Variants in LRRC4C observed in about 807,000 individuals in gnomAD.
LRRC4C encodes the protein leucine-rich repeat-containing protein 4C.
Under a neutral mutation model 33.6 loss-of-function variants are expected in LRRC4C, and 5 were observed. The ratio of observed to expected loss-of-function variants is 0.15; its 90% confidence interval spans 0.08 to 0.31. The LOEUF (loss-of-function observed/expected upper bound fraction) is 0.31. LRRC4C is among the 10% of genes least tolerant of loss of function. The pLI, the probability that LRRC4C is intolerant of heterozygous loss-of-function variation, is 1.00. For missense variants in LRRC4C, 560 were observed against 796.7 expected (o/e 0.70, Z 3.58); for synonymous variants, 329 against 302.0 (o/e 1.09, Z -0.93).
rs187851840 is a variant in LRRC4C, at chr11:41,098,578, C to G, written c.-495-164855G>C. Among the ~76,000 whole-genome samples the G allele has an allele frequency of 4.7e-3, 715 of 152,174 alleles. 6 individuals are homozygous for G. The highest frequency in any genetic ancestry group is 0.016 in the African/African-American group (670 of 41,538). ...ATATTTCAGCGCTAAGTGTTTACAG[C>G]AAGTAAGCTTCTGTGATTCTAAAAT... On this transcript the variant is annotated intron_variant, in intron 1 of 6. Transcript: ENST00000528697.
chr11:40,242,709 T>C (rs1446701602), intron 4 of LRRC4C, among the ~76,000 whole-genome samples: 1 of 152,064 alleles, frequency 6.6e-6, no homozygotes, highest in Admixed American at 6.6e-5. Context: ...AGAAAGCTAG[T>C]GTCTGTACCT....
chr11:40,861,744 C>G (rs1231094830), intron 2 of LRRC4C, among the ~76,000 whole-genome samples: 2 of 152,178 alleles, frequency 1.3e-5, no homozygotes, highest in East Asian at 3.9e-4. Context: ...GCAGACTATA[C>G]AAGATGCATG....
chr11:40,423,506 G>A (rs1028500381), intron 3 of LRRC4C, among the ~76,000 whole-genome samples: 2 of 151,594 alleles, frequency 1.3e-5, no homozygotes, highest in African/African-American at 2.4e-5. Context: ...TACCACGCCC[G>A]GCTAATTTTT....
chr11:40,652,662 G>C (rs1287753834), intron 2 of LRRC4C, among the ~76,000 whole-genome samples: 3 of 152,196 alleles, frequency 2.0e-5, no homozygotes, highest in African/African-American at 7.2e-5. Flanking sequence ...AGCAGGGCTG[G>C]ATGCTCCAAC....
intron 5 of LRRC4C, among the ~76,000 whole-genome samples, chr11:40,225,155 T>C (rs1170468688): frequency 6.6e-6 from 1 of 152,282 alleles, no homozygotes; most frequent in East Asian, 1.9e-4. Context: ...AAATTGAATA[T>C]TCCTAGAGAA....
At chr11:41,083,457 C>T (rs1939726480) in intron 1 of LRRC4C, among the ~76,000 whole-genome samples, 1 of 152,156 alleles carries the variant, frequency 6.6e-6, no homozygotes, top group South Asian at 2.1e-4. Context: ...CAGCCCGCCA[C>T]ATTTCATCAG....
chr11:41,282,402 A>G (rs1949704130), intron 1 of LRRC4C, among the ~76,000 whole-genome samples: 1 of 152,220 alleles, frequency 6.6e-6, no homozygotes, highest in African/African-American at 2.4e-5. Context: ...TGAGCTTAAA[A>G]TACCCTCTTC....
chr11:41,267,519 T>C lies in LRRC4C; in HGVS notation c.-496+191912A>G, dbSNP rs1264499875. Among the ~76,000 whole-genome samples, 3 of 152,254 alleles carry C rather than the reference T, an allele frequency of 2.0e-5. No homozygotes were observed. In the East Asian group the frequency reaches 5.8e-4, roughly 29 times the overall value. On this transcript the variant is annotated intron_variant, in intron 1 of 6. Transcript: ENST00000528697. ...AATAAAGGTTAAGTGGCTAGCACGATGCGTGGTAACCAGTAAATGATAACA... is the reference window on the plus strand; with the variant it reads ...AATAAAGGTTAAGTGGCTAGCACGACGCGTGGTAACCAGTAAATGATAACA...
chr11:40,639,539 G>A (rs890760971), intron 3 of LRRC4C, among the ~76,000 whole-genome samples: 12 of 152,104 alleles, frequency 7.9e-5, no homozygotes, highest in African/African-American at 2.9e-4. Flanking sequence ...ACACCCATTC[G>A]CTCGACAATT....
At chr11:40,562,722 A>T (rs1227425265) in intron 3 of LRRC4C, among the ~76,000 whole-genome samples, 1 of 152,138 alleles carries the variant, frequency 6.6e-6, no homozygotes, top group Non-Finnish European at 1.5e-5. Flanking sequence ...GCAACTTCAG[A>T]CCCTCTGCAG....
At chr11:40,903,701 T>C (rs1289046892) in intron 2 of LRRC4C, among the ~76,000 whole-genome samples, 3 of 152,210 alleles carry the variant, frequency 2.0e-5, no homozygotes, top group African/African-American at 4.8e-5. Context: ...GCATGGTTAA[T>C]GGGGTACAAA....
intron 2 of LRRC4C, among the ~76,000 whole-genome samples, chr11:40,660,027 C>A (rs1427808072): frequency 2.0e-5 from 3 of 152,078 alleles, no homozygotes; most frequent in Non-Finnish European, 1.5e-5. Context: ...GGCTGTGACA[C>A]CCTCTCTGGG....
intron 2 of LRRC4C, among the ~76,000 whole-genome samples, chr11:40,720,384 A>C (rs1946952828): frequency 6.6e-6 from 1 of 152,226 alleles, no homozygotes; most frequent in Non-Finnish European, 1.5e-5. Context: ...AAAGAATGAC[A>C]AAACGAAAAC....
chr11:41,194,413 C>T (rs1946094011), intron 1 of LRRC4C, among the ~76,000 whole-genome samples: 1 of 151,848 alleles, frequency 6.6e-6, no homozygotes, highest in Non-Finnish European at 1.5e-5. Flanking sequence ...TTATATAATC[C>T]CCTCAAGTAT....
chr11:41,197,460 C>A (rs1351020886), intron 1 of LRRC4C, among the ~76,000 whole-genome samples: 1 of 151,992 alleles, frequency 6.6e-6, no homozygotes, highest in Admixed American at 6.6e-5. Flanking sequence ...TCCTACACAT[C>A]ACTGTGTCCT....
intron 1 of LRRC4C, among the ~76,000 whole-genome samples, chr11:41,292,674 C>T (rs556913768): frequency 9.2e-5 from 14 of 152,214 alleles, no homozygotes; most frequent in South Asian, 4.1e-4. Flanking sequence ...TTATTTGTTA[C>T]TATCCAATCT....
intron 1 of LRRC4C, among the ~76,000 whole-genome samples, chr11:40,939,158 T>G (rs1958034764): frequency 6.6e-6 from 1 of 152,206 alleles, no homozygotes; most frequent in African/African-American, 2.4e-5. Context: ...TATGGTGTAA[T>G]ACTAAATGAT....
At chr11:40,268,894 G>A (rs910275838) in intron 4 of LRRC4C, among the ~76,000 whole-genome samples, 1 of 152,142 alleles carries the variant, frequency 6.6e-6, no homozygotes, top group African/African-American at 2.4e-5. Context: ...AGAACCGCCA[G>A]TCTAGAGACT....
chr11:41,140,983 T>A (rs914624861), intron 1 of LRRC4C, among the ~76,000 whole-genome samples: 1 of 152,184 alleles, frequency 6.6e-6, no homozygotes, highest in South Asian at 2.1e-4. Flanking sequence ...TTTTACCTTT[T>A]ATACAACGGG....
Sources: gnomAD v4.1 joint callset for allele counts (sites outside exome capture counted in the v4.1 genomes callset) on GRCh38, gnomAD v4.1.1 for gene constraint, MANE v1.5 for transcripts, NCBI Gene and HGNC (gene_info 2026-07-23, HGNC 2026-07-21) for gene names.